Variants in TTLL5 observed in about 807,000 individuals in gnomAD.
TTLL5 encodes tubulin tyrosine ligase like 5.
TTLL5 carries 132 observed loss-of-function variants against 168.4 expected under a neutral mutation model. The ratio of observed to expected loss-of-function variants is 0.78; its 90% CI spans 0.68 to 0.91. The LOEUF is 0.91. Ranked by LOEUF, TTLL5 falls within the 40% of genes least tolerant of loss-of-function variation. TTLL5 has a pLI of 0.00. For synonymous variants in TTLL5, 546 were observed against 558.6 expected (o/e 0.98, Z 0.32); for missense variants, 1,545 against 1,581.5 (o/e 0.98, Z 0.39).
intron 30 of TTLL5, among the ~76,000 whole-genome samples, chr14:75,888,789 G>A (rs1341901933): frequency 6.6e-6 from 1 of 152,030 alleles, no homozygotes; most frequent in Non-Finnish European, 1.5e-5. Context: ...CAAAAAATTA[G>A]CTGGGCATGG....
chr14:75,886,904 A>AACTCAGACT, intron 30 of TTLL5: 1 of 1,448,532 alleles, frequency 6.9e-7, no homozygotes, highest in Non-Finnish European at 9.0e-7. Context: ...ACAAGGGCAA[A>AACTCAGACT]ACTCAGACTG....
At position 75,663,043 on chromosome 14, in the gene TTLL5, G is replaced by T; in HGVS notation, c.-95-12G>T. On this transcript the variant is annotated splice_polypyrimidine_tract_variant and intron_variant, in intron 1 of 31. Transcript: ENST00000298832. ...TCAGGTCAATTGATCCAATCAAGTTGATTTCTTGCAGGAATCTGTGCCATC... is the reference window on the plus strand; with the variant it reads ...TCAGGTCAATTGATCCAATCAAGTTTATTTCTTGCAGGAATCTGTGCCATC... The T allele has an allele frequency of 1.1e-6, 1 of 902,298 alleles. No individual in the cohort carries two copies. Among genetic ancestry groups the T allele is most frequent in the South Asian group, 1.4e-5 (1 of 71,284 alleles). The allele number at this position is 902,298 out of a possible 1,614,324, so 55.9% of individuals were successfully genotyped here.
intron 31 of TTLL5, among the ~76,000 whole-genome samples, chr14:75,941,238 C>T (rs1312206815): frequency 6.6e-6 from 1 of 152,196 alleles, no homozygotes; most frequent in Non-Finnish European, 1.5e-5. Flanking sequence ...TGTGACAACC[C>T]AGGCAAGGTT....
At chr14:75,811,185 G>GTGTGTGTA (rs1566614362) in intron 27 of TTLL5, among the ~76,000 whole-genome samples, 2 of 121,200 alleles carry the variant, frequency 1.7e-5, no homozygotes, top group East Asian at 2.2e-4. Context: ...GTGTGTGTGT[G>GTGTGTGTA]TGTATGTGTG....
chr14:75,844,846 G>A (rs1228490040), intron 28 of TTLL5, among the ~76,000 whole-genome samples: 1 of 152,118 alleles, frequency 6.6e-6, no homozygotes, highest in African/African-American at 2.4e-5. Context: ...TAAAGCTGTT[G>A]TGCAGTGCTT....
At position 75,674,925 on chromosome 14, in the gene TTLL5, C is replaced by A. The variant is rs1194808100; in HGVS notation, c.181+5403C>A. On this transcript the variant is annotated intron_variant, in intron 3 of 31. Transcript: ENST00000298832. Reference sequence around the variant, plus strand: ...TCCACATTTACTCAATATAAAAAAACCATTAATATTTTATATCTAGTATAT... The same window carrying A: ...TCCACATTTACTCAATATAAAAAAAACATTAATATTTTATATCTAGTATAT... 3.3e-5 allele frequency among the ~76,000 whole-genome samples: 5 copies of A among 151,326 alleles called. No homozygotes were observed. The East Asian group carries it at 7.7e-4, about 23-fold the overall frequency.
Position 75,858,995 on chromosome 14 carries a change from A to T in TTLL5, c.3327-4672A>T, listed in dbSNP as rs534347015. ...CCCCATCATTGTGACAATTGAAAGC[A>T]CACTCACAGTTGCAAGCACGATCAA... On this transcript the variant is annotated intron_variant, in intron 28 of 31. Transcript: ENST00000298832. Among the ~76,000 whole-genome samples the T allele has an allele frequency of 5.3e-5, 8 of 152,298 alleles. No homozygotes were observed. The South Asian group carries it at 1.7e-3, about 32-fold the overall frequency.
In TTLL5 at chr14:75,863,844, GAGTCGAGCCCGGC is replaced by G. The variant is rs756335448; in HGVS notation, c.3506_3518del (p.Ser1169ThrfsTer18). ...TTCAGTCCCGGCAGCTCCTGGACCA[GAGTCGAGCCCGGC>G]ACCAGGTAATTCAAGATAAGTCTTT... On this transcript the variant is annotated frameshift_variant, in exon 29 of 32. Coordinates refer to ENST00000298832, the MANE Select transcript of TTLL5 (RefSeq NM_015072.5). LOFTEE classifies it high-confidence loss of function. 121 of 1,505,982 alleles carry G rather than the reference GAGTCGAGCCCGGC, an allele frequency of 8.0e-5. No homozygotes were observed. The African/African-American group carries it at 1.6e-3, about 20-fold the overall frequency. 93.3% of individuals were successfully genotyped at this position (1,505,982 alleles called of 1,614,324 possible).
chr14:75,949,231 T>C (rs1566673435), intron 31 of TTLL5, among the ~76,000 whole-genome samples: 1 of 151,952 alleles, frequency 6.6e-6, no homozygotes, highest in Non-Finnish European at 1.5e-5. Flanking sequence ...TGAAAAGATA[T>C]GCTTTACAGA....
At position 75,681,668 on chromosome 14, in the gene TTLL5, C is replaced by T. The variant is rs771356937; in HGVS notation, c.264+41C>T. Reference sequence around the variant, plus strand: ...ATACCTCACCTGATCTGCTCATAAGCTGAAAATCCCAGCCACCTAACTGAC... The same window carrying T: ...ATACCTCACCTGATCTGCTCATAAGTTGAAAATCCCAGCCACCTAACTGAC... On this transcript the variant is annotated intron_variant, in intron 4 of 31. Coordinates refer to ENST00000298832, the MANE Select transcript of TTLL5 (RefSeq NM_015072.5). 5 of 1,565,034 alleles carry T rather than the reference C, an allele frequency of 3.2e-6. No individual in the cohort carries two copies. The South Asian group carries it at 5.5e-5, about 17-fold the overall frequency.
At chr14:75,735,374 G>A (rs1888819880) in intron 15 of TTLL5, 85 bp downstream of exon 15, 1 of 1,309,478 alleles carries the variant, frequency 7.6e-7, no homozygotes, top group Non-Finnish European at 1.1e-6. Context: ...AAGCACTGTG[G>A]GTATGAGGTC....
intron 28 of TTLL5, among the ~76,000 whole-genome samples, chr14:75,828,076 G>A (rs897674705): frequency 1.3e-5 from 2 of 151,862 alleles, no homozygotes; most frequent in African/African-American, 4.8e-5. Flanking sequence ...ATGAAATATG[G>A]GTGCATCTCA....
chr14:75,710,146 A>G (rs1043754994), intron 9 of TTLL5: 3 of 152,198 alleles, frequency 2.0e-5, no homozygotes, highest in Non-Finnish European at 4.4e-5. Context: ...CAAGGACATC[A>G]TAGCAATATG....
intron 6 of TTLL5, 77 bp downstream of exon 6, chr14:75,690,399 G>C (rs1049761791): frequency 3.0e-5 from 45 of 1,506,640 alleles, no homozygotes; most frequent in Middle Eastern, 1.8e-4. Context: ...CCTCCTCAAG[G>C]TGTCAACCAA....
intron 15 of TTLL5, among the ~76,000 whole-genome samples, chr14:75,743,664 C>T (rs1342573673): frequency 2.2e-5 from 3 of 138,512 alleles, no homozygotes; most frequent in Non-Finnish European, 4.5e-5. Context: ...TCACTGCATG[C>T]TCCGCCTCCT....
intron 7 of TTLL5, among the ~76,000 whole-genome samples, chr14:75,705,262 G>A (rs2140167907): frequency 6.6e-6 from 1 of 152,350 alleles, no homozygotes; most frequent in South Asian, 2.1e-4. Context: ...TTCTGACTTT[G>A]AGATAGCAGC....
At chr14:75,842,449 A>C (rs2139851167) in intron 28 of TTLL5, among the ~76,000 whole-genome samples, 1 of 152,102 alleles carries the variant, frequency 6.6e-6, no homozygotes, top group Non-Finnish European at 1.5e-5. Context: ...TTATTTTCTT[A>C]ATGTTCCTTA....
intron 3 of TTLL5, among the ~76,000 whole-genome samples, chr14:75,680,765 C>T (rs187598020): frequency 1.3e-5 from 2 of 152,048 alleles, no homozygotes; most frequent in Admixed American, 6.6e-5. Flanking sequence ...GGTGGGATTA[C>T]AGGTGCGTAC....
intron 30 of TTLL5, among the ~76,000 whole-genome samples, chr14:75,896,557 C>A (rs916667019): frequency 3.3e-5 from 5 of 152,052 alleles, no homozygotes; most frequent in Non-Finnish European, 7.4e-5. Flanking sequence ...TGGCATGAGT[C>A]CAAGATAAAC....
Sources: gnomAD v4.1 joint callset for allele counts (sites outside exome capture counted in the v4.1 genomes callset) on GRCh38, gnomAD v4.1.1 for gene constraint, MANE v1.5 for transcripts, NCBI Gene and HGNC (gene_info 2026-07-23, HGNC 2026-07-21) for gene names.